Variants in GHR observed in about 807,000 individuals in gnomAD.
GHR encodes the protein growth hormone receptor.
In GHR, 35 loss-of-function variants were observed where a neutral mutation model predicts 67.1. The observed-to-expected ratio is 0.52, with a 90% CI of 0.40 to 0.69. The LOEUF (loss-of-function observed/expected upper bound fraction) is 0.69. Among genes scored for constraint, GHR ranks in the 30% least tolerant of loss-of-function variants. GHR has a pLI of 0.00. For missense variants in GHR, 792 were observed against 764.6 expected, an observed-to-expected ratio of 1.04 and a Z score of -0.42; for synonymous variants, 272 against 269.1, an observed-to-expected ratio of 1.01 and a Z score of -0.10.
chr5:42,472,294 G>T (rs746730625), intron 1 of GHR, among the ~76,000 whole-genome samples: 6 of 152,174 alleles, frequency 3.9e-5, no homozygotes, highest in Non-Finnish European at 8.8e-5. Context: ...ATATGTAATT[G>T]GTCATGAGCT....
chr5:42,657,256 G>A (rs1174762760), intron 3 of GHR, among the ~76,000 whole-genome samples: 1 of 152,062 alleles, frequency 6.6e-6, no homozygotes, highest in African/African-American at 2.4e-5. Context: ...TTTCTCTCTT[G>A]GAGGCATCAT....
chr5:42,554,248 C>T (rs367627246), intron 1 of GHR, among the ~76,000 whole-genome samples: 47 of 152,010 alleles, frequency 3.1e-4, no homozygotes, highest in African/African-American at 1.1e-3. Flanking sequence ...ATGTTCCAAA[C>T]ACTCTATTTT....
At chr5:42,557,174 T>C (rs1749354970) in intron 1 of GHR, among the ~76,000 whole-genome samples, 1 of 152,192 alleles carries the variant, frequency 6.6e-6, no homozygotes, top group African/African-American at 2.4e-5. Context: ...ATAGAAGATG[T>C]ACAATTGCCT....
intron 1 of GHR, among the ~76,000 whole-genome samples, chr5:42,538,892 C>T (rs1340444562): frequency 6.6e-6 from 1 of 151,984 alleles, no homozygotes; most frequent in Non-Finnish European, 1.5e-5. Flanking sequence ...TTTTCTTTGT[C>T]TTTGTTGAAT....
At chr5:42,607,349 C>T (rs1035966862) in intron 2 of GHR, among the ~76,000 whole-genome samples, 2 of 152,192 alleles carry the variant, frequency 1.3e-5, no homozygotes, top group African/African-American at 4.8e-5. Context: ...AACCCTTTAA[C>T]TTCTAAGAAG....
At chr5:42,642,141 A>C (rs1445598698) in intron 3 of GHR, among the ~76,000 whole-genome samples, 3 of 152,210 alleles carry the variant, frequency 2.0e-5, no homozygotes, top group African/African-American at 7.2e-5. Flanking sequence ...CAGAAGGATC[A>C]GAAGACGATT....
intron 1 of GHR, among the ~76,000 whole-genome samples, chr5:42,483,160 T>A (rs1745730201): frequency 6.6e-6 from 1 of 152,162 alleles, no homozygotes; most frequent in Non-Finnish European, 1.5e-5. Flanking sequence ...CCTCCACCTC[T>A]GGAGCTCAAG....
At chr5:42,536,800 T>G (rs1579895599) in intron 1 of GHR, among the ~76,000 whole-genome samples, 2 of 152,076 alleles carry the variant, frequency 1.3e-5, no homozygotes, top group East Asian at 3.9e-4. Context: ...GTCCTGGGCT[T>G]TTTGTCGGTA....
At chr5:42,528,923 A>G (rs1002891186) in intron 1 of GHR, among the ~76,000 whole-genome samples, 1 of 152,236 alleles carries the variant, frequency 6.6e-6, no homozygotes, top group Non-Finnish European at 1.5e-5. Context: ...TTAGCAATAA[A>G]GTATTTTTAA....
chr5:42,572,906 G>T (rs1750413163), intron 2 of GHR, among the ~76,000 whole-genome samples: 1 of 152,148 alleles, frequency 6.6e-6, no homozygotes, highest in Non-Finnish European at 1.5e-5. Context: ...GGCATTTGTT[G>T]TGTTTCCCTC....
At chr5:42,492,662 G>C (rs1249698096) in intron 1 of GHR, among the ~76,000 whole-genome samples, 1 of 152,178 alleles carries the variant, frequency 6.6e-6, no homozygotes, top group Non-Finnish European at 1.5e-5. Flanking sequence ...TTATAAATCA[G>C]ATTTTATTTT....
At chr5:42,515,516 G>A (rs748233281) in intron 1 of GHR, among the ~76,000 whole-genome samples, 7 of 152,242 alleles carry the variant, frequency 4.6e-5, no homozygotes, top group Admixed American at 1.3e-4. Context: ...GAGGAAAGAA[G>A]AGTAATGGTC....
At chr5:42,425,616 G>A (rs1315427648) in intron 1 of GHR, among the ~76,000 whole-genome samples, 1 of 152,208 alleles carries the variant, frequency 6.6e-6, no homozygotes, top group Non-Finnish European at 1.5e-5. Context: ...TTCCAGATTA[G>A]ATTTCAAGGA....
chr5:42,658,199 CA>C (rs561548504), intron 3 of GHR, among the ~76,000 whole-genome samples: 4 of 151,350 alleles, frequency 2.6e-5, no homozygotes, highest in South Asian at 2.1e-4. Context: ...AACCTAATGC[CA>C]AAAAAAAGCA....
At chr5:42,715,582 TTTGAG>T (rs1211278982) in intron 8 of GHR, among the ~76,000 whole-genome samples, 1 of 152,206 alleles carries the variant, frequency 6.6e-6, no homozygotes, top group East Asian at 1.9e-4. Context: ...CCTCCCAGCC[TTTGAG>T]CTGTTACCAA....
At chr5:42,434,682 T>C (rs1214799757) in intron 1 of GHR, among the ~76,000 whole-genome samples, 1 of 152,182 alleles carries the variant, frequency 6.6e-6, no homozygotes, top group African/African-American at 2.4e-5. Context: ...TCTCTGCCAT[T>C]TTTATAGAAG....
chr5:42,541,566 G>A (rs923598598), intron 1 of GHR, among the ~76,000 whole-genome samples: 6 of 147,122 alleles, frequency 4.1e-5, no homozygotes, highest in Admixed American at 6.8e-5. Flanking sequence ...CAGTGTCCTG[G>A]AAAAAAAAAA....
At chr5:42,616,578 A>C (rs776435071) in intron 2 of GHR, among the ~76,000 whole-genome samples, 5 of 152,046 alleles carry the variant, frequency 3.3e-5, no homozygotes, top group African/African-American at 4.8e-5. Flanking sequence ...TAGAGTCTGA[A>C]GTTCAATGGA....
intron 1 of GHR, among the ~76,000 whole-genome samples, chr5:42,474,260 A>AC (rs1212281416): frequency 1.5e-4 from 19 of 125,996 alleles, no homozygotes; most frequent in African/African-American, 6.1e-4. Context: ...AGACAGACAG[A>AC]AAGAAAGAAA....
Sources: allele counts gnomAD v4.1 joint callset (sites outside exome capture counted in the v4.1 genomes callset), GRCh38; gene constraint gnomAD v4.1.1; transcripts MANE v1.5; gene names NCBI Gene and HGNC (gene_info 2026-07-23, HGNC 2026-07-21).